Variants in SPRYD4 observed in about 807,000 individuals in gnomAD.
The protein encoded by SPRYD4 is SPRY domain containing 4, also known as SPRY domain-containing protein 4.
In SPRYD4, 12 loss-of-function variants were observed where a neutral mutation model predicts 16.6. The observed-to-expected ratio is 0.72, with a 90% confidence interval of 0.46 to 1.17. The LOEUF is 1.17. SPRYD4 is among the 50% of genes most tolerant of loss of function. The pLI, the probability that SPRYD4 is intolerant of heterozygous loss-of-function variation, is 0.00. For synonymous variants in SPRYD4, 98 were observed against 105.4 expected, an observed-to-expected ratio of 0.93 and a Z score of 0.43; for missense variants, 260 against 260.2, an observed-to-expected ratio of 1.00 and a Z score of 0.00.
Position 56,473,683 on chromosome 12 carries a change from A to C in SPRYD4, c.*4106A>C, listed in dbSNP as rs1274517276. Reference sequence around the variant, plus strand: ...TAGGCTGTACTCTTAACAAGTTTACAAATGACTGCATGACCACAATCCACC... The same window carrying C: ...TAGGCTGTACTCTTAACAAGTTTACCAATGACTGCATGACCACAATCCACC... On this transcript the variant is annotated 3_prime_UTR_variant, in exon 2 of 2. Transcript: ENST00000338146. The C allele has an allele frequency of 1.4e-6, 2 of 1,474,314 alleles. No homozygotes were observed. The highest frequency in any genetic ancestry group is 1.8e-6 in the Non-Finnish European group (2 of 1,103,208). 91.3% of individuals were successfully genotyped at this position (1,474,314 alleles called of 1,614,324 possible).
rs1480292474 is a variant in SPRYD4 at position 56,474,612 on chromosome 12, C to G, written c.*5035C>G. ...TGCATGAGGCTGAGGGTGTTGCGCA[C>G]TGCTTCAGCACTCAGCACACTCTCG... On this transcript the variant is annotated 3_prime_UTR_variant, in exon 2 of 2. Coordinates refer to ENST00000338146, the MANE Select transcript of SPRYD4 (RefSeq NM_207344.4). The G allele has an allele frequency of 3.1e-6, 5 of 1,614,236 alleles. No homozygotes were observed. The highest frequency in any genetic ancestry group is 4.2e-6 in the Non-Finnish European group (5 of 1,180,050).
Position 56,477,563 on chromosome 12 carries a change from C to A in SPRYD4, c.*7986C>A. The A allele has an allele frequency of 7.9e-7, 1 of 1,262,840 alleles. No individual in the cohort carries two copies. Among genetic ancestry groups the A allele is most frequent in the Non-Finnish European group, 1.1e-6 (1 of 894,906 alleles). The allele number at this position is 1,262,840 out of a possible 1,614,324, so 78.2% of individuals were successfully genotyped here. A position where few individuals can be genotyped will look rare whatever the true frequency, so the allele number is the denominator to read the frequency against. ...TGGGGACCCTCAAAGGAATCAGAGCCCCACCAGTCTCCCTGGAGAGCTGAA... is the reference window on the plus strand; with the variant it reads ...TGGGGACCCTCAAAGGAATCAGAGCACCACCAGTCTCCCTGGAGAGCTGAA... On this transcript the variant is annotated 3_prime_UTR_variant, in exon 2 of 2. Coordinates refer to ENST00000338146, the MANE Select transcript of SPRYD4 (RefSeq NM_207344.4).
chr12:56,469,559 G>A lies in SPRYD4; in HGVS notation c.606G>A (p.Glu202=), dbSNP rs149511139. The A allele has an allele frequency of 1.8e-5, 29 of 1,613,526 alleles. No homozygotes were observed. The African/African-American group carries it at 3.6e-4, about 20-fold the overall frequency. The change falls in exon 2 of 2, where the codon GAG becomes GAA. Residue 202 remains glutamate, a synonymous_variant. Transcript: ENST00000338146. The part of the protein sequence containing the change: ...DGELLTHSGL[E]VPEGL ...AGCTGCTGACCCATTCAGGGCTTGAGGTGCCCGAGGGCCTCTAGTATGTCC... is the reference window on the plus strand; with the variant it reads ...AGCTGCTGACCCATTCAGGGCTTGAAGTGCCCGAGGGCCTCTAGTATGTCC...
chr12:56,472,142 GCTGTGCGCGAGTCATAGT>G lies in SPRYD4; in HGVS notation c.*2568_*2585del. The G allele has an allele frequency of 6.2e-7, 1 of 1,614,194 alleles. No homozygotes were observed. Among genetic ancestry groups the G allele is most frequent in the Non-Finnish European group, 8.5e-7 (1 of 1,180,036 alleles). On this transcript the variant is annotated 3_prime_UTR_variant, in exon 2 of 2. Transcript: ENST00000338146. ...ACCTTCAGCTGCAGCAACATGCAGA[GCTGTGCGCGAGTCATAGT>G]CTTTCTGTTCCATATCCATGGCTGA...
chr12:56,475,436 A>C lies in SPRYD4; in HGVS notation c.*5859A>C, dbSNP rs1228092905. 2.8e-6 allele frequency: 2 copies of C among 712,870 alleles called. No individual in the cohort carries two copies. Among genetic ancestry groups the C allele is most frequent in the East Asian group, 5.4e-5 (2 of 36,914 alleles). The allele number at this position is 712,870 out of a possible 1,614,324, so 44.2% of individuals were successfully genotyped here. On this transcript the variant is annotated 3_prime_UTR_variant, in exon 2 of 2. Coordinates refer to ENST00000338146, the MANE Select transcript of SPRYD4 (RefSeq NM_207344.4). ...GCCTCTCTCATTATGTACTAATTAG[A>C]AATGGAACAAATTATTTTACAAGAT...
At position 56,472,885 on chromosome 12, in the gene SPRYD4, CTTTTTTT is replaced by C. The variant is rs952399444; in HGVS notation, c.*3322_*3328del. 1.8e-4 allele frequency: 73 copies of C among 399,988 alleles called. No individual in the cohort carries two copies. Among genetic ancestry groups the C allele is most frequent in the Non-Finnish European group, 2.6e-4 (59 of 226,048 alleles). The allele number at this position is 399,988 out of a possible 1,614,324, so 24.8% of individuals were successfully genotyped here. On this transcript the variant is annotated 3_prime_UTR_variant, in exon 2 of 2. Transcript: ENST00000338146. ...ATGGAATGTGCTACTCTGAAATATT[CTTTTTTT>C]TTTTTTTTTTTTTGAGACGGAGTCT...
At position 56,473,337 on chromosome 12, in the gene SPRYD4, A is replaced by C; in HGVS notation, c.*3760A>C. On this transcript the variant is annotated 3_prime_UTR_variant, in exon 2 of 2. Coordinates refer to ENST00000338146, the MANE Select transcript of SPRYD4 (RefSeq NM_207344.4). ...CACCAACTTCTAGAATTGTAAGCCA[A>C]ATATATTGTTTATTTACTCCTTACA... 6.2e-7 allele frequency: 1 copy of C among 1,613,664 alleles called. No individual in the cohort carries two copies.
rs932657098 is a variant in SPRYD4, at chr12:56,479,387, C to G, written c.*9810C>G. The stretch of plus-strand genomic sequence containing the variant: ...GGGGTTTTAATGATGTGGAAAGACA[C>G]TATGTCTTGGGATATGAGAAAAAAA... On this transcript the variant is annotated 3_prime_UTR_variant, in exon 2 of 2. Coordinates refer to ENST00000338146, the MANE Select transcript of SPRYD4 (RefSeq NM_207344.4). 1.8e-5 allele frequency: 10 copies of G among 557,890 alleles called. No homozygotes were observed. Among genetic ancestry groups the G allele is most frequent in the African/African-American group, 1.7e-4 (9 of 52,460 alleles). The allele number at this position is 557,890 out of a possible 1,614,324, so 34.6% of individuals were successfully genotyped here.
In SPRYD4 at chr12:56,474,561, C is replaced by T. The variant is rs1432204461; in HGVS notation, c.*4984C>T. On this transcript the variant is annotated 3_prime_UTR_variant, in exon 2 of 2. Transcript: ENST00000338146. ...AAACTCACGTGGAAGGCAAACTGGC[C>T]AGAGAAGTCATACATGCCGCAGGAA... is the stretch of plus-strand genomic sequence containing the variant. The T allele has an allele frequency of 6.2e-7, 1 of 1,614,050 alleles. No homozygotes were observed. Among genetic ancestry groups the T allele is most frequent in the Non-Finnish European group, 8.5e-7 (1 of 1,180,028 alleles).
Position 56,479,628 on chromosome 12 carries a change from TTATGA to T in SPRYD4, c.*10053_*10057del, listed in dbSNP as rs1480739097. The stretch of plus-strand genomic sequence containing the variant: ...ATGTATTTCTATATTGTTTGAACTC[TTATGA>T]TGAGTATTCATGTATAACTTATGTA... On this transcript the variant is annotated 3_prime_UTR_variant, in exon 2 of 2. Coordinates refer to ENST00000338146, the MANE Select transcript of SPRYD4 (RefSeq NM_207344.4). The T allele has an allele frequency of 5.5e-6, 5 of 907,950 alleles. No individual in the cohort carries two copies. The highest frequency in any genetic ancestry group is 7.8e-6 in the Non-Finnish European group (5 of 645,126). 56.2% of individuals were successfully genotyped at this position (907,950 alleles called of 1,614,324 possible). A position where few individuals can be genotyped will look rare whatever the true frequency, so the allele number is the denominator to read the frequency against.
chr12:56,478,985 GGAA>G lies in SPRYD4; in HGVS notation c.*9409_*9411del. The G allele has an allele frequency of 8.4e-7, 1 of 1,186,940 alleles. No homozygotes were observed. 73.5% of individuals were successfully genotyped at this position (1,186,940 alleles called of 1,614,324 possible). On this transcript the variant is annotated 3_prime_UTR_variant, in exon 2 of 2. Coordinates refer to ENST00000338146, the MANE Select transcript of SPRYD4 (RefSeq NM_207344.4). The stretch of plus-strand genomic sequence containing the variant: ...GGTGACAGAGCAAAACTCTGTCTCA[GGAA>G]AAAAAAAAAAAAAAAAAATCTGGCC...
In SPRYD4 at chr12:56,473,038, T is replaced by C. The variant is rs945348590; in HGVS notation, c.*3461T>C. The C allele has an allele frequency of 5.9e-5, 36 of 612,240 alleles. No individual in the cohort carries two copies. The highest frequency in any genetic ancestry group is 5.7e-4 in the African/African-American group (31 of 54,034). The allele number at this position is 612,240 out of a possible 1,614,324, so 37.9% of individuals were successfully genotyped here. On this transcript the variant is annotated 3_prime_UTR_variant, in exon 2 of 2. Transcript: ENST00000338146. ...CCAAGTAGCTGGGACCACAGGCGCG[T>C]GCCACCACGTCTGGCTAATTTTTTG...
In SPRYD4 at chr12:56,469,263, G is replaced by A; in HGVS notation, c.310G>A (p.Val104Met). Residue 104 changes from valine (V) to methionine (M), a missense_variant, in exon 2 of 2, where the codon GTG becomes ATG. Val to Met is a conservative substitution (Grantham distance 21, BLOSUM62 1). Transcript: ENST00000338146. The stretch of plus-strand genomic sequence containing the variant: ...GCGCTCCCAGCAGTTCCGGATAGGA[G>A]TGGCAGATGTGGACATGTCCCGGGA... ...VKRSQQFRIG[V>M]ADVDMSRDSC... is the part of the protein sequence containing the mutation. 6.2e-7 allele frequency: 1 copy of A among 1,614,120 alleles called. No homozygotes were observed.
At position 56,470,593 on chromosome 12, in the gene SPRYD4, G is replaced by C. The variant is rs1486812725; in HGVS notation, c.*1016G>C. ...GCCCACCTTGGCCTCCCAAAGTGCT[G>C]GGATTTCAGGCGTGAGCCACCACAC... is the stretch of plus-strand genomic sequence containing the variant. On this transcript the variant is annotated 3_prime_UTR_variant, in exon 2 of 2. Transcript: ENST00000338146. 2 of 152,160 alleles carry C rather than the reference G, an allele frequency of 1.3e-5. 1 individual carries two copies. The highest frequency in any genetic ancestry group is 3.9e-4 in the East Asian group (2 of 5,176). The allele number at this position is 152,160 out of a possible 1,614,324, so 9.4% of individuals were successfully genotyped here. A position where few individuals can be genotyped will look rare whatever the true frequency, so the allele number is the denominator to read the frequency against.
In SPRYD4 at chr12:56,472,807, G is replaced by T; in HGVS notation, c.*3230G>T. ...AATTGAACTCACCTATGCCAGCTGT[G>T]CCCTGTGACCCTCCTCCATGGATGC... On this transcript the variant is annotated 3_prime_UTR_variant, in exon 2 of 2. Coordinates refer to ENST00000338146, the MANE Select transcript of SPRYD4 (RefSeq NM_207344.4). 6.7e-7 allele frequency: 1 copy of T among 1,483,752 alleles called. No individual in the cohort carries two copies. Among genetic ancestry groups the T allele is most frequent in the Non-Finnish European group, 9.4e-7 (1 of 1,062,294 alleles). The allele number at this position is 1,483,752 out of a possible 1,614,324, so 91.9% of individuals were successfully genotyped here.
chr12:56,470,833 T>C lies in SPRYD4; in HGVS notation c.*1256T>C, dbSNP rs1240861468. 1 of 151,882 alleles carries C rather than the reference T, an allele frequency of 6.6e-6. No individual in the cohort carries two copies. The highest frequency in any genetic ancestry group is 2.4e-5 in the African/African-American group (1 of 41,392). The allele number at this position is 151,882 out of a possible 1,614,324, so 9.4% of individuals were successfully genotyped here. A position where few individuals can be genotyped will look rare whatever the true frequency, so the allele number is the denominator to read the frequency against. On this transcript the variant is annotated 3_prime_UTR_variant, in exon 2 of 2. Coordinates refer to ENST00000338146, the MANE Select transcript of SPRYD4 (RefSeq NM_207344.4). The stretch of plus-strand genomic sequence containing the variant: ...GTGGGGTAAGTGAATATGTACTGTT[T>C]GGTAGGGTAGGTAGAGAAGCTGTGC...
In SPRYD4 at chr12:56,471,989, C is replaced by T. The variant is rs1869317538; in HGVS notation, c.*2412C>T. On this transcript the variant is annotated 3_prime_UTR_variant, in exon 2 of 2. Transcript: ENST00000338146. ...CACTCAGTCATAGTCTAGCTGCAAA[C>T]CGAAGGGTGTCTAGATAAAACTAGT... 4.7e-6 allele frequency: 6 copies of T among 1,278,902 alleles called. No homozygotes were observed. In the South Asian group the frequency reaches 7.6e-5, roughly 16 times the overall value. The allele number at this position is 1,278,902 out of a possible 1,614,324, so 79.2% of individuals were successfully genotyped here. A position where few individuals can be genotyped will look rare whatever the true frequency, so the allele number is the denominator to read the frequency against.
rs745543047 is a variant in SPRYD4 at position 56,474,714 on chromosome 12, A to G, written c.*5137A>G. 2 of 1,609,778 alleles carry G rather than the reference A, an allele frequency of 1.2e-6. No individual in the cohort carries two copies. The highest frequency in any genetic ancestry group is 1.7e-6 in the Non-Finnish European group (2 of 1,177,152). On this transcript the variant is annotated 3_prime_UTR_variant, in exon 2 of 2. Transcript: ENST00000338146. The stretch of plus-strand genomic sequence containing the variant: ...CCTGATTCACAAGTGACCTCCACAG[A>G]ACACAGCTATGAAAACAAAGAATAG...
Position 56,469,608 on chromosome 12 carries a change from C to T in SPRYD4, c.*31C>T. 2 of 1,577,626 alleles carry T rather than the reference C, an allele frequency of 1.3e-6. No homozygotes were observed. Among genetic ancestry groups the T allele is most frequent in the South Asian group, 2.3e-5 (2 of 88,360 alleles). On this transcript the variant is annotated 3_prime_UTR_variant, in exon 2 of 2. Coordinates refer to ENST00000338146, the MANE Select transcript of SPRYD4 (RefSeq NM_207344.4). ...CCATTACTGGAGTCCCTAATCACGC[C>T]TTTGGCCAGCCTCCTTTTGAAAGTG...
Sources: allele counts gnomAD v4.1 joint callset, GRCh38; gene constraint gnomAD v4.1.1; transcripts MANE v1.5; gene names NCBI Gene and HGNC (gene_info 2026-07-23, HGNC 2026-07-21).